Variants in SLC45A1 observed in about 807,000 individuals in gnomAD.
SLC45A1 encodes the protein proton-associated sugar transporter A.
In SLC45A1, 28 loss-of-function variants were observed where a neutral mutation model predicts 57.6. The observed-to-expected ratio is 0.49, with a 90% confidence interval of 0.36 to 0.67. The LOEUF (loss-of-function observed/expected upper bound fraction) is 0.67, where lower values mean the gene tolerates loss of function less well. SLC45A1 is among the 30% of genes least tolerant of loss of function. The pLI, the probability that SLC45A1 is intolerant of heterozygous loss-of-function variation, is 0.00. For synonymous variants in SLC45A1, 459 were observed against 471.5 expected (o/e 0.97, Z 0.34); for missense variants, 814 against 1,041.5 (o/e 0.78, Z 3.01).
chr1:8,324,388 CACAGGACTTCTGGAG>C lies in SLC45A1; in HGVS notation c.60_74del (p.Gln21_Arg25del). The C allele has an allele frequency of 6.2e-7, 1 of 1,612,866 alleles. No individual in the cohort carries two copies. The highest frequency in any genetic ancestry group is 8.5e-7 in the Non-Finnish European group (1 of 1,179,984). On this transcript the variant is annotated inframe_deletion, in exon 2 of 9. Transcript: ENST00000471889. ...GATGCCCTCTTCCCCAGCGTGGCCC[CACAGGACTTCTGGAG>C]GTCCCAGGTCACGGGCTACTCGGGG...
rs552170799 is a variant in SLC45A1, at chr1:8,326,096, C to T, written c.715+54C>T. 1.1e-4 allele frequency: 167 copies of T among 1,463,650 alleles called. No homozygotes were observed. Among genetic ancestry groups the T allele is most frequent in the Admixed American group, 1.9e-4 (11 of 57,694 alleles). 90.7% of individuals were successfully genotyped at this position (1,463,650 alleles called of 1,614,324 possible). A position where few individuals can be genotyped will look rare whatever the true frequency, so the allele number is the denominator to read the frequency against. On this transcript the variant is annotated intron_variant, in intron 4 of 8. Transcript: ENST00000471889. The surrounding 1 kb of genome is among the most constrained non-coding windows in gnomAD (Gnocchi z 5.5). ...AATCTGCCGGGCTGCAGGCTTCAGA[C>T]GTGTGGCTTTCGAGGCCCTTCCTCA...
intron 1 of SLC45A1, among the ~76,000 whole-genome samples, chr1:8,320,327 A>G (rs1176049754): frequency 2.6e-5 from 4 of 152,114 alleles, no homozygotes; most frequent in Non-Finnish European, 5.9e-5. Context: ...AAATAAGGTC[A>G]AAGAGGCTCC....
intron 6 of SLC45A1, among the ~76,000 whole-genome samples, chr1:8,337,255 T>C (rs1238919221): frequency 6.6e-6 from 1 of 152,130 alleles, no homozygotes; most frequent in African/African-American, 2.4e-5. Flanking sequence ...ATGGGACTTA[T>C]TCACTATCAT....
Position 8,340,226 on chromosome 1 carries a change from G to A in SLC45A1, c.1980+528G>A, listed in dbSNP as rs138493444. On this transcript the variant is annotated intron_variant, in intron 8 of 8. Transcript: ENST00000471889. ...TGCCTGTGCTGGAGTGTAGTGGTGC[G>A]ATCTCGGCTCACTGCAACCTCCGCC... Among the ~76,000 whole-genome samples the A allele has an allele frequency of 7.6e-4, 114 of 149,706 alleles. 1 individual carries two copies. The East Asian group carries it at 0.021, about 27-fold the overall frequency.
intron 8 of SLC45A1, among the ~76,000 whole-genome samples, chr1:8,342,648 C>T (rs1640863020): frequency 6.6e-6 from 1 of 152,172 alleles, no homozygotes; most frequent in Non-Finnish European, 1.5e-5. Flanking sequence ...CATAATTTTC[C>T]TTTGCAGTGA....
rs560225434 is a variant in SLC45A1, at chr1:8,333,020, G to GACACTTCACTCGGCCGCAGACGC, written c.1443+2087_1443+2109dup. 7.1e-3 allele frequency among the ~76,000 whole-genome samples: 1,078 copies of GACACTTCACTCGGCCGCAGACGC among 152,240 alleles called. 4 individuals are homozygous for GACACTTCACTCGGCCGCAGACGC. The highest frequency in any genetic ancestry group is 0.041 in the Middle Eastern group (12 of 294). On this transcript the variant is annotated intron_variant, in intron 5 of 8. Coordinates refer to ENST00000471889, the MANE Select transcript of SLC45A1 (RefSeq NM_001080397.3). ...GGCAGCCTGGAGATCTAGCCGAGGA[G>GACACTTCACTCGGCCGCAGACGC]ACACTTCACTCGGCCGCAGACGCAC... is the stretch of plus-strand genomic sequence containing the variant.
In SLC45A1 at chr1:8,328,563, G is replaced by T. The variant is rs1181020564; in HGVS notation, c.716-1646G>T. Reference sequence around the variant, plus strand: ...AGCTAGTAAAGTTCATCTGGGCCGGGCGTGGTGGCTCATGCATGTACTCCC... The same window carrying T: ...AGCTAGTAAAGTTCATCTGGGCCGGTCGTGGTGGCTCATGCATGTACTCCC... On this transcript the variant is annotated intron_variant, in intron 4 of 8. Transcript: ENST00000471889. The surrounding 1 kb of genome is among the most constrained non-coding windows in gnomAD (Gnocchi z 4.6). Among the ~76,000 whole-genome samples, 1 of 152,198 alleles carries T rather than the reference G, an allele frequency of 6.6e-6. No individual in the cohort carries two copies. Among genetic ancestry groups the T allele is most frequent in the Non-Finnish European group, 1.5e-5 (1 of 68,040 alleles).
rs992407990 is a variant in SLC45A1 at position 8,343,118 on chromosome 1, G to A, written c.1981-629G>A. 6.6e-6 allele frequency among the ~76,000 whole-genome samples: 1 copy of A among 152,194 alleles called. No homozygotes were observed. Among genetic ancestry groups the A allele is most frequent in the African/African-American group, 2.4e-5 (1 of 41,442 alleles). Reference sequence around the variant, plus strand: ...GCCGCAGGGGAGGCCCAGGCTCCCAGGTCACAGCAATGCCCACTCACGCAG... The same window carrying A: ...GCCGCAGGGGAGGCCCAGGCTCCCAAGTCACAGCAATGCCCACTCACGCAG... On this transcript the variant is annotated intron_variant, in intron 8 of 8. Coordinates refer to ENST00000471889, the MANE Select transcript of SLC45A1 (RefSeq NM_001080397.3). This position sits in a 1 kb window ranked among gnomAD's most constrained non-coding sequence, Gnocchi z 7.7.
At chr1:8,338,083 AT>A in intron 7 of SLC45A1, 91 bp downstream of exon 7, 1 of 1,205,562 alleles carries the variant, frequency 8.3e-7, no homozygotes, top group South Asian at 1.4e-5. Flanking sequence ...TGGCCTTACG[AT>A]TGCAGACACC....
intron 1 of SLC45A1, among the ~76,000 whole-genome samples, chr1:8,320,047 T>G (rs1639952864): frequency 6.6e-6 from 1 of 152,214 alleles, no homozygotes; most frequent in African/African-American, 2.4e-5. Context: ...ATTCTTCTTA[T>G]GATAAACATT....
chr1:8,319,287 CAAAT>C (rs137890848), intron 1 of SLC45A1, among the ~76,000 whole-genome samples: 34 of 152,270 alleles, frequency 2.2e-4, no homozygotes, highest in Middle Eastern at 3.4e-3. Flanking sequence ...CTCAAATAAA[CAAAT>C]AAGCAAATAC....
In SLC45A1 at chr1:8,330,522, C is replaced by T. The variant is rs536368583; in HGVS notation, c.1029C>T (p.Pro343=). 10 of 1,613,366 alleles carry T rather than the reference C, an allele frequency of 6.2e-6. No homozygotes were observed. The East Asian group carries it at 1.1e-4, about 18-fold the overall frequency. The change falls in exon 5 of 9, where the codon CCC becomes CCT. Residue 343 remains proline, a synonymous_variant. Coordinates refer to ENST00000471889, the MANE Select transcript of SLC45A1 (RefSeq NM_001080397.3). The surrounding 1 kb of genome is among the most constrained non-coding windows in gnomAD (Gnocchi z 8.4). ...NFSSPISPPS[P]LTPKYGSFIS... ...CCAGCCCCATCTCGCCGCCCAGCCC[C>T]CTCACGCCCAAGTACGGCAGCTTCA...
intron 6 of SLC45A1, among the ~76,000 whole-genome samples, chr1:8,337,063 G>A (rs1640635288): frequency 6.6e-6 from 1 of 152,212 alleles, no homozygotes; most frequent in South Asian, 2.1e-4. Context: ...TGCTAATAAA[G>A]ACATACACGA....
At chr1:8,324,031 C>T (rs899258771) in intron 1 of SLC45A1, among the ~76,000 whole-genome samples, 14 of 152,096 alleles carry the variant, frequency 9.2e-5, no homozygotes, top group African/African-American at 1.2e-4. Flanking sequence ...CAGTCCTGAC[C>T]GAGCCTCTGT....
rs1183389000 is a variant in SLC45A1 at position 8,328,295 on chromosome 1, C to T, written c.716-1914C>T. ...CTGGGTCACCCAGTGGTTAGGGGCT[C>T]GGGCTCTGGGAGCTGAAAGTCCACG... On this transcript the variant is annotated intron_variant, in intron 4 of 8. Transcript: ENST00000471889. The surrounding 1 kb of genome is among the most constrained non-coding windows in gnomAD (Gnocchi z 4.6). 6.6e-6 allele frequency: 1 copy of T among 152,148 alleles called. No individual in the cohort carries two copies. Among genetic ancestry groups the T allele is most frequent in the Non-Finnish European group, 1.5e-5 (1 of 68,038 alleles). 9.4% of individuals were successfully genotyped at this position (152,148 alleles called of 1,614,324 possible).
intron 1 of SLC45A1, among the ~76,000 whole-genome samples, chr1:8,322,190 G>C (rs1274940680): frequency 1.4e-5 from 2 of 139,570 alleles, no homozygotes; most frequent in African/African-American, 2.7e-5. Context: ...TGGATGGATG[G>C]ATGGATGAGT....
rs758426866 is a variant in SLC45A1 at position 8,339,573 on chromosome 1, G to A, written c.1855G>A (p.Gly619Arg). Residue 619 changes from glycine to arginine, a missense_variant, in exon 8 of 9, where the codon GGG becomes AGG. By Grantham distance (125) the Gly-to-Arg change is moderately radical. Coordinates refer to ENST00000471889, the MANE Select transcript of SLC45A1 (RefSeq NM_001080397.3). ...IAYLAFGLGT[G>R]LATLSRNLYV... Reference sequence around the variant, plus strand: ...CTATCTCGCCTTCGGCCTGGGGACCGGGCTTGCCACCCTCTCCAGGAACCT... The same window carrying A: ...CTATCTCGCCTTCGGCCTGGGGACCAGGCTTGCCACCCTCTCCAGGAACCT... The A allele has an allele frequency of 6.8e-6, 11 of 1,614,206 alleles. No individual in the cohort carries two copies. Among genetic ancestry groups the A allele is most frequent in the East Asian group, 2.2e-5 (1 of 44,890 alleles).
chr1:8,330,975 G>A lies in SLC45A1; in HGVS notation c.1443+39G>A. ...TCGGGGGAGCTGAGGCTCAGAGGGT[G>A]GCATTCGGGGGTCCCCTGGTCAGTT... On this transcript the variant is annotated intron_variant, in intron 5 of 8. Coordinates refer to ENST00000471889, the MANE Select transcript of SLC45A1 (RefSeq NM_001080397.3). This position sits in a 1 kb window ranked among gnomAD's most constrained non-coding sequence, Gnocchi z 8.4. The A allele has an allele frequency of 6.5e-7, 1 of 1,532,732 alleles. No individual in the cohort carries two copies. Among genetic ancestry groups the A allele is most frequent in the South Asian group, 1.2e-5 (1 of 80,448 alleles). The allele number at this position is 1,532,732 out of a possible 1,614,324, so 94.9% of individuals were successfully genotyped here. A position where few individuals can be genotyped will look rare whatever the true frequency, so the allele number is the denominator to read the frequency against.
chr1:8,320,967 C>T (rs930566615), intron 1 of SLC45A1, among the ~76,000 whole-genome samples: 99 of 152,074 alleles, frequency 6.5e-4, no homozygotes, highest in African/African-American at 2.2e-3. Flanking sequence ...GGGCGGAGTC[C>T]GATCCAACCG....
Sources: gnomAD v4.1 joint callset for allele counts (sites outside exome capture counted in the v4.1 genomes callset) on GRCh38, gnomAD v4.1.1 for gene constraint, Gnocchi (gnomAD v3.1) non-coding constraint, MANE v1.5 for transcripts, NCBI Gene and HGNC (gene_info 2026-07-23, HGNC 2026-07-21) for gene names.